Variants in KCNQ3 observed in about 807,000 individuals in gnomAD.
KCNQ3 encodes the protein potassium voltage-gated channel subfamily KQT member 3.
A neutral mutation model predicts 92.5 loss-of-function variants in KCNQ3; 30 were observed. The observed-to-expected ratio is 0.32, with a 90% CI of 0.24 to 0.44. The LOEUF (loss-of-function observed/expected upper bound fraction) is 0.44. Ranked by LOEUF, KCNQ3 falls within the 20% of genes least tolerant of loss-of-function variation. The pLI, the probability that KCNQ3 is intolerant of heterozygous loss-of-function variation, is 1.00. For missense variants in KCNQ3, 913 were observed against 1,140.3 expected (o/e 0.80, Z 2.87); for synonymous variants, 450 against 468.8 (o/e 0.96, Z 0.52).
At chr8:132,333,287 G>A (rs1046488069) in intron 1 of KCNQ3, among the ~76,000 whole-genome samples, 23 of 152,302 alleles carry the variant, frequency 1.5e-4, no homozygotes, top group African/African-American at 4.6e-4. Flanking sequence ...AAAGTTCAGA[G>A]AGAGAGAGAG....
At chr8:132,204,613 G>T (rs748817128) in intron 1 of KCNQ3, among the ~76,000 whole-genome samples, 1 of 152,138 alleles carries the variant, frequency 6.6e-6, no homozygotes, top group Admixed American at 6.5e-5. Context: ...TACACACAGA[G>T]CCACTTGGCA....
At chr8:132,347,671 T>A (rs1818733740) in intron 1 of KCNQ3, among the ~76,000 whole-genome samples, 2 of 151,964 alleles carry the variant, frequency 1.3e-5, no homozygotes, top group African/African-American at 4.8e-5. Context: ...TAGATAAAAG[T>A]TATCCAGGTA....
Position 132,179,334 on chromosome 8 carries a change from T to C in KCNQ3, c.777+823A>G, listed in dbSNP as rs139791446. Reference sequence around the variant, plus strand: ...GAGTTCCATCCCTCCTGGATTCTGATCTACCTGGGGGAGGTGAGCACCACC... The same window carrying C: ...GAGTTCCATCCCTCCTGGATTCTGACCTACCTGGGGGAGGTGAGCACCACC... On this transcript the variant is annotated intron_variant, in intron 4 of 14. Transcript: ENST00000388996. Among the ~76,000 whole-genome samples, 107 of 152,046 alleles carry C rather than the reference T, an allele frequency of 7.0e-4. 1 individual carries two copies. Among genetic ancestry groups the C allele is most frequent in the Non-Finnish European group, 1.2e-3 (81 of 68,006 alleles).
intron 1 of KCNQ3, among the ~76,000 whole-genome samples, chr8:132,284,967 G>T (rs953065974): frequency 6.6e-6 from 1 of 152,172 alleles, no homozygotes; most frequent in Non-Finnish European, 1.5e-5. Context: ...TAGCATAAGT[G>T]CTTCACCAAA....
intron 1 of KCNQ3, among the ~76,000 whole-genome samples, chr8:132,399,594 T>G (rs1437814789): frequency 6.6e-6 from 1 of 152,310 alleles, no homozygotes; most frequent in East Asian, 1.9e-4. Flanking sequence ...CATCAAGAAC[T>G]CACTCCTCCT....
chr8:132,474,215 A>T (rs1206955624), intron 1 of KCNQ3, among the ~76,000 whole-genome samples: 1 of 152,240 alleles, frequency 6.6e-6, no homozygotes, highest in East Asian at 1.9e-4. Flanking sequence ...CCTATTCAGA[A>T]TTAACTAATG....
intron 9 of KCNQ3, among the ~76,000 whole-genome samples, chr8:132,154,922 G>C (rs1450636103): frequency 6.6e-6 from 1 of 152,148 alleles, no homozygotes; most frequent in Non-Finnish European, 1.5e-5. Context: ...GGCACCCAAG[G>C]CTTGAAGGAT....
At position 132,443,665 on chromosome 8, in the gene KCNQ3, C is replaced by T. The variant is rs117501743; in HGVS notation, c.386+36482G>A. ...GAAAAGCTTCATCTCATCTCCAAACCACTGAGAACTACTGGGGTAGATGTT... is the reference window on the plus strand; with the variant it reads ...GAAAAGCTTCATCTCATCTCCAAACTACTGAGAACTACTGGGGTAGATGTT... On this transcript the variant is annotated intron_variant, in intron 1 of 14. Transcript: ENST00000388996. 2.0e-4 allele frequency among the ~76,000 whole-genome samples: 30 copies of T among 152,280 alleles called. No individual in the cohort carries two copies. The East Asian group carries it at 5.8e-3, about 29-fold the overall frequency.
intron 1 of KCNQ3, chr8:132,321,538 A>G (rs1007962982): frequency 2.6e-5 from 4 of 152,394 alleles, no homozygotes; most frequent in Admixed American, 6.6e-5. Context: ...CCCTTCCCAC[A>G]CAGACACACA....
intron 1 of KCNQ3, among the ~76,000 whole-genome samples, chr8:132,193,227 G>A (rs1827210869): frequency 6.6e-6 from 1 of 152,202 alleles, no homozygotes; most frequent in Non-Finnish European, 1.5e-5. Flanking sequence ...AAGGTCAACA[G>A]TCACGAATAT....
At position 132,480,739 on chromosome 8, in the gene KCNQ3, G is replaced by A. The variant is rs1368597204; in HGVS notation, c.-207C>T. ...GGGAGGCCAGGCAGGGGGTCAGGGG[G>A]TCACATCCCGCGCGGGTCAGCCGCA... On this transcript the variant is annotated 5_prime_UTR_variant, in exon 1 of 15. Coordinates refer to ENST00000388996, the MANE Select transcript of KCNQ3 (RefSeq NM_004519.4). The A allele has an allele frequency of 1.2e-5, 4 of 320,136 alleles. No individual in the cohort carries two copies. In the Admixed American group the frequency reaches 1.9e-4, roughly 15 times the overall value. The allele number at this position is 320,136 out of a possible 1,614,324, so 19.8% of individuals were successfully genotyped here. A position where few individuals can be genotyped will look rare whatever the true frequency, so the allele number is the denominator to read the frequency against.
intron 1 of KCNQ3, among the ~76,000 whole-genome samples, chr8:132,441,315 C>G (rs1188140649): frequency 6.6e-6 from 1 of 152,154 alleles, no homozygotes; most frequent in African/African-American, 2.4e-5. Flanking sequence ...CTTTGGGAGG[C>G]CAAGGCAGGT....
intron 1 of KCNQ3, among the ~76,000 whole-genome samples, chr8:132,345,041 T>C (rs562982867): frequency 1.3e-5 from 2 of 152,274 alleles, no homozygotes; most frequent in South Asian, 4.1e-4. Context: ...CCCCCTGTAA[T>C]TTGCTGATCC....
At chr8:132,269,660 A>C (rs1223299278) in intron 1 of KCNQ3, among the ~76,000 whole-genome samples, 1 of 152,178 alleles carries the variant, frequency 6.6e-6, no homozygotes, top group Non-Finnish European at 1.5e-5. Flanking sequence ...TCAGAGAGAA[A>C]TTACCGTGTA....
At chr8:132,459,578 T>A (rs902943546) in intron 1 of KCNQ3, among the ~76,000 whole-genome samples, 1 of 152,160 alleles carries the variant, frequency 6.6e-6, no homozygotes, top group Admixed American at 6.5e-5. Context: ...TCATGAGGGA[T>A]CTAACCCCAT....
intron 1 of KCNQ3, among the ~76,000 whole-genome samples, chr8:132,248,332 AAG>A (rs1455351613): frequency 1.3e-5 from 1 of 75,552 alleles, no homozygotes; most frequent in Non-Finnish European, 2.8e-5. Context: ...TTTAGTCTAT[AAG>A]TATATATATA....
In KCNQ3 at chr8:132,263,176, C is replaced by T. The variant is rs949896401; in HGVS notation, c.387-76995G>A. Among the ~76,000 whole-genome samples the T allele has an allele frequency of 1.2e-4, 19 of 152,186 alleles. 1 individual carries two copies. Among genetic ancestry groups the T allele is most frequent in the Admixed American group, 1.1e-3 (17 of 15,282 alleles). ...GCCTCACTGTAGTTTAGATGGTAACCTCGTGTCTGATTGCAGAAGACCACT... is the reference window on the plus strand; with the variant it reads ...GCCTCACTGTAGTTTAGATGGTAACTTCGTGTCTGATTGCAGAAGACCACT... On this transcript the variant is annotated intron_variant, in intron 1 of 14. Transcript: ENST00000388996.
chr8:132,447,392 G>C, intron 1 of KCNQ3: 1 of 719,088 alleles, frequency 1.4e-6, no homozygotes, highest in South Asian at 1.7e-5. Flanking sequence ...AGAAGACACT[G>C]CAAGAAAGAA....
intron 1 of KCNQ3, among the ~76,000 whole-genome samples, chr8:132,339,171 C>A (rs1049926416): frequency 1.3e-5 from 2 of 152,160 alleles, no homozygotes; most frequent in Admixed American, 6.5e-5. Context: ...GCCTGAGGCA[C>A]CTCCTCTGAA....
Sources: gnomAD v4.1 joint callset for allele counts (sites outside exome capture counted in the v4.1 genomes callset) on GRCh38, gnomAD v4.1.1 for gene constraint, MANE v1.5 for transcripts, NCBI Gene and HGNC (gene_info 2026-07-23, HGNC 2026-07-21) for gene names.